Variants in ANK2 observed in about 807,000 individuals in gnomAD.
ANK2 encodes ankyrin 2.
In ANK2, 83 loss-of-function variants were observed where a neutral mutation model predicts 360.5. The ratio of observed to expected loss-of-function variants is 0.23; its 90% confidence interval spans 0.19 to 0.28. The LOEUF (loss-of-function observed/expected upper bound fraction) is 0.28, where lower values mean the gene tolerates loss of function less well. Among genes scored for constraint, ANK2 ranks in the 10% least tolerant of loss-of-function variants. ANK2 has a pLI of 1.00. For synonymous variants in ANK2, 1,740 were observed against 1,759.5 expected (o/e 0.99, Z 0.28); for missense variants, 4,201 against 4,795.7 (o/e 0.88, Z 3.66).
At chr4:112,767,287 G>A in the ANK2 span, among the ~76,000 whole-genome samples, 5 of 152,058 alleles carry the variant, frequency 3.3e-5, no homozygotes, top group Admixed American at 6.6e-5. Context: ...TCTGCCAGTC[G>A]CGGTGGCTCA....
the ANK2 span, among the ~76,000 whole-genome samples, chr4:112,778,785 C>T: frequency 6.6e-6 from 1 of 152,162 alleles, no homozygotes; most frequent in South Asian, 2.1e-4. Context: ...TAGATAACCA[C>T]CCAGTACACC....
intron 2 of ANK2, among the ~76,000 whole-genome samples, chr4:113,176,305 A>G (rs941610685): frequency 1.3e-5 from 2 of 152,220 alleles, no homozygotes; most frequent in East Asian, 1.9e-4. Flanking sequence ...GTAATGGTTT[A>G]GTTTTTAACT....
chr4:112,829,927 C>T (rs2059340953), intron 1 of ANK2, among the ~76,000 whole-genome samples: 1 of 151,418 alleles, frequency 6.6e-6, no homozygotes, highest in Non-Finnish European at 1.5e-5. Flanking sequence ...CCACTGCACT[C>T]TAGCCTGGAT....
intron 2 of ANK2, among the ~76,000 whole-genome samples, chr4:112,925,267 A>C (rs115852154): frequency 6.6e-6 from 1 of 152,226 alleles, no homozygotes; most frequent in Non-Finnish European, 1.5e-5. Flanking sequence ...GAAATGTACA[A>C]GAAAGAAAAG....
rs1338821603 is a variant in ANK2 at position 112,868,189 on chromosome 4, A to AT, written c.-39-36261dup. ...CATTTTTTCATGTGCTTGTCAGGTC[A>AT]TTTTTATGTATTATTTGGATAAATG... On this transcript the variant is annotated intron_variant, in intron 1 of 30. Coordinates refer to the ANK2 transcript ENST00000503271. Among the ~76,000 whole-genome samples, 3 of 152,130 alleles carry AT rather than the reference A, an allele frequency of 2.0e-5. No individual in the cohort carries two copies. The East Asian group carries it at 5.8e-4, about 29-fold the overall frequency.
intron 2 of ANK2, among the ~76,000 whole-genome samples, chr4:112,990,872 G>A (rs949463484): frequency 6.6e-6 from 1 of 152,154 alleles, no homozygotes; most frequent in Non-Finnish European, 1.5e-5. Flanking sequence ...GTATTTTATA[G>A]ATGTGATTAA....
the ANK2 span, among the ~76,000 whole-genome samples, chr4:112,786,154 T>G: frequency 3.8e-4 from 57 of 151,710 alleles, no homozygotes; most frequent in African/African-American, 1.2e-3. Flanking sequence ...TTTTGAGATA[T>G]CCTATAAACT....
In ANK2 at chr4:112,882,999, T is replaced by C. The variant is rs183206351; in HGVS notation, c.-39-21456T>C. On this transcript the variant is annotated intron_variant, in intron 1 of 30. Coordinates refer to the ANK2 transcript ENST00000503271. Reference sequence around the variant, plus strand: ...TGCTCCGTGTGGCTACTGGACACTTTCTGGTTTACTTGGTTAGTCTTTTTT... The same window carrying C: ...TGCTCCGTGTGGCTACTGGACACTTCCTGGTTTACTTGGTTAGTCTTTTTT... 2.7e-5 allele frequency among the ~76,000 whole-genome samples: 4 copies of C among 149,398 alleles called. No homozygotes were observed. In the East Asian group the frequency reaches 8.0e-4, roughly 30 times the overall value.
At chr4:112,941,438 A>G (rs1176081243) in intron 2 of ANK2, among the ~76,000 whole-genome samples, 1 of 144,560 alleles carries the variant, frequency 6.9e-6, no homozygotes, top group Non-Finnish European at 1.5e-5. Context: ...TTTTTTGTAT[A>G]TATACATATA....
rs543062628 is a variant in ANK2, at chr4:112,840,245, G to A, written c.-40+21981G>A. 3.9e-5 allele frequency among the ~76,000 whole-genome samples: 6 copies of A among 152,288 alleles called. No individual in the cohort carries two copies. The South Asian group carries it at 1.2e-3, about 32-fold the overall frequency. On this transcript the variant is annotated intron_variant, in intron 1 of 30. Transcript: ENST00000503271. Reference sequence around the variant, plus strand: ...TTAGGAATCTGTATTTTCATCTGATGACTCTTATGCACTGGCCCAGGACAT... The same window carrying A: ...TTAGGAATCTGTATTTTCATCTGATAACTCTTATGCACTGGCCCAGGACAT...
At chr4:112,881,944 T>A (rs757822484) in intron 1 of ANK2, 8 of 650,608 alleles carry the variant, frequency 1.2e-5, no homozygotes, top group African/African-American at 7.1e-5. Flanking sequence ...ACGGCTGCCA[T>A]CTACCTCCTC....
chr4:112,753,748 C>T, the ANK2 span, among the ~76,000 whole-genome samples: 1 of 152,072 alleles, frequency 6.6e-6, no homozygotes, highest in Non-Finnish European at 1.5e-5. Flanking sequence ...AGGAAGTTAC[C>T]CTATGTTGTC....
At chr4:113,323,729 C>T in intron 26 of ANK2, 1 of 1,596,076 alleles carries the variant, frequency 6.3e-7, no homozygotes, top group South Asian at 1.1e-5. Flanking sequence ...TCCGTTCCTT[C>T]TCTGTGCTAA....
intron 1 of ANK2, among the ~76,000 whole-genome samples, chr4:112,831,282 G>A (rs2059666603): frequency 6.6e-6 from 1 of 152,220 alleles, no homozygotes; most frequent in East Asian, 1.9e-4. Context: ...AGTCGGGTGG[G>A]GACATGGAGA....
chr4:112,731,459 C>T, the ANK2 span, among the ~76,000 whole-genome samples: 1 of 151,900 alleles, frequency 6.6e-6, no homozygotes, highest in East Asian at 1.9e-4. Context: ...CGCAGTGGCT[C>T]ATGCCTGTAA....
chr4:113,373,124 T>C lies in ANK2; in HGVS notation c.11645T>C (p.Val3882Ala). Residue 3882 changes from valine (V) to alanine (A), a missense_variant, in exon 44 of 46, where the codon GTC becomes GCC. Val to Ala is a moderately conservative substitution (Grantham distance 64, BLOSUM62 0). This residue lies in a region of ANK2 where 2,642 missense variants were observed against 2,714.5 expected (regional missense o/e 0.97). Coordinates refer to ENST00000357077, the MANE Select transcript of ANK2 (RefSeq NM_001148.6). ...ATGCCTGAAATACCCCCAGAAACAGTCACAGAAGAAGAATACATTGATGAG... is the reference window on the plus strand; with the variant it reads ...ATGCCTGAAATACCCCCAGAAACAGCCACAGAAGAAGAATACATTGATGAG... Reference protein sequence around the residue: ...DDMPEIPPETVTEEEYIDEHG... With the variant: ...DDMPEIPPETATEEEYIDEHG... 1 of 1,614,114 alleles carries C rather than the reference T, an allele frequency of 6.2e-7. No homozygotes were observed. Among genetic ancestry groups the C allele is most frequent in the South Asian group, 1.1e-5 (1 of 91,074 alleles).
At chr4:113,158,262 T>C (rs1217430543) in intron 1 of ANK2, among the ~76,000 whole-genome samples, 1 of 152,214 alleles carries the variant, frequency 6.6e-6, no homozygotes, top group Non-Finnish European at 1.5e-5. Flanking sequence ...CCTTGCTTGC[T>C]CAATGCACCT....
intron 20 of ANK2, among the ~76,000 whole-genome samples, chr4:113,291,314 C>G (rs774701926): frequency 6.6e-6 from 1 of 152,132 alleles, no homozygotes; most frequent in African/African-American, 2.4e-5. Context: ...CTGATTTGAC[C>G]GCAGAGTCCC....
chr4:113,061,929 T>C (rs1231164828), intron 1 of ANK2, among the ~76,000 whole-genome samples: 1 of 152,142 alleles, frequency 6.6e-6, no homozygotes, highest in African/African-American at 2.4e-5. Context: ...GTGATTATTA[T>C]GCATTGCATG....
Sources: gnomAD v4.1 joint callset for allele counts (sites outside exome capture counted in the v4.1 genomes callset) on GRCh38, gnomAD v4.1.1 for gene constraint, gnomAD v4.1.1 regional missense constraint, MANE v1.5 for transcripts, NCBI Gene and HGNC (gene_info 2026-07-23, HGNC 2026-07-21) for gene names.